NBPF10: variants seen among roughly 807,000 people sequenced by gnomAD.
The protein encoded by NBPF10 is NBPF member 10.
Under a neutral mutation model 77.9 loss-of-function variants are expected in NBPF10, and 63 were observed. The observed-to-expected ratio is 0.81, with a 90% CI of 0.66 to 1.00. The LOEUF (loss-of-function observed/expected upper bound fraction) is 1.00. NBPF10 is among the 50% of genes least tolerant of loss of function. The pLI is 0.00. For synonymous variants in NBPF10, 146 were observed against 264.5 expected, an observed-to-expected ratio of 0.55 and a Z score of 4.35; for missense variants, 522 against 679.8, an observed-to-expected ratio of 0.77 and a Z score of 2.58.
intron 3 of NBPF10, among the ~76,000 whole-genome samples, chr1:146,140,764 T>C (rs1553797069): frequency 8.3e-6 from 1 of 120,992 alleles, no homozygotes; most frequent in African/African-American, 2.7e-5. Flanking sequence ...CATCAAGATG[T>C]GGCCAAATAC....
intron 89 of NBPF10, among the ~76,000 whole-genome samples, chr1:146,066,954 A>G (rs1362521842): frequency 2.7e-5 from 4 of 145,634 alleles, no homozygotes; most frequent in African/African-American, 7.4e-5. Flanking sequence ...AGTGGCCATG[A>G]GAGTACAGCT....
At chr1:146,121,962 A>C (rs1658230816) in intron 19 of NBPF10, among the ~76,000 whole-genome samples, 1 of 130,562 alleles carries the variant, frequency 7.7e-6, no homozygotes, top group Non-Finnish European at 1.6e-5. Flanking sequence ...ACTCTGAGTT[A>C]GTGCCCTCAT....
intron 89 of NBPF10, among the ~76,000 whole-genome samples, chr1:146,066,775 G>A (rs1296359905): frequency 6.6e-6 from 1 of 151,972 alleles, no homozygotes; most frequent in African/African-American, 2.4e-5. Context: ...GAGAGACAGA[G>A]ACAGAGACAG....
rs1339565712 is a variant in NBPF10 at position 146,127,197 on chromosome 1, T to G, written c.1802-118A>C. 19 of 609,950 alleles carry G rather than the reference T, an allele frequency of 3.1e-5. 4 individuals carry two copies. In the East Asian group the frequency reaches 5.1e-4, roughly 16 times the overall value. 37.8% of individuals were successfully genotyped at this position (609,950 alleles called of 1,614,324 possible). A position where few individuals can be genotyped will look rare whatever the true frequency, so the allele number is the denominator to read the frequency against. On this transcript the variant is annotated intron_variant, in intron 12 of 89. Coordinates refer to ENST00000583866, the Ensembl canonical transcript of NBPF10. ...CTTGTCAGTGTGAGAACAGGAGACT[T>G]TCAGAGAAATATTCCAGTAGGCCTG...
chr1:146,067,958 G>C (rs782498676), intron 88 of NBPF10, 45 bp downstream of exon 88: 2 of 614,970 alleles, frequency 3.3e-6, no homozygotes, highest in South Asian at 3.1e-5. Context: ...ACCCCTATCT[G>C]GAAGACCAGG....
intron 87 of NBPF10, 43 bp from the exon 88 acceptor site, chr1:146,068,218 A>G: frequency 3.4e-6 from 1 of 294,480 alleles, no homozygotes; most frequent in Non-Finnish European, 6.1e-6. Context: ...AGGGGGAATC[A>G]GAAACCACAC....
chr1:146,142,609 A>G (rs1660419008), intron 2 of NBPF10, 41 bp downstream of exon 2: 6 of 1,105,968 alleles, frequency 5.4e-6, no homozygotes, highest in Non-Finnish European at 7.9e-6. Flanking sequence ...TCAGAGATCT[A>G]CACACCTACC....
At chr1:146,123,540 C>T (rs879253480) in intron 17 of NBPF10, among the ~76,000 whole-genome samples, 334 of 92,832 alleles carry the variant, frequency 3.6e-3, no homozygotes, top group African/African-American at 0.011. Flanking sequence ...AGAGAGAGAA[C>T]GAGCTCAGTG....
chr1:146,066,724 C>A (rs1353751314), intron 89 of NBPF10, among the ~76,000 whole-genome samples, 163 bp from the exon 90 acceptor site: 2 of 148,888 alleles, frequency 1.3e-5, no homozygotes, highest in African/African-American at 2.5e-5. Context: ...TGGGATAGAA[C>A]AGGGCCAGGT....
At chr1:146,139,668 TTA>T in intron 5 of NBPF10, 139 bp downstream of exon 5, 1 of 302,660 alleles carries the variant, frequency 3.3e-6, no homozygotes, top group Non-Finnish European at 6.3e-6. Flanking sequence ...AGTGCTGTGA[TTA>T]TATGTGTGAG....
At chr1:146,126,516 C>G (rs3108136) in intron 13 of NBPF10, 108 bp from the exon 14 acceptor site, 38 of 715,180 alleles carry the variant, frequency 5.3e-5, no homozygotes, top group South Asian at 1.8e-4. Flanking sequence ...AGAAAAAGGA[C>G]AGATCCATTA....
chr1:146,126,690 C>A (rs1238242545), intron 13 of NBPF10, among the ~76,000 whole-genome samples: 12 of 146,472 alleles, frequency 8.2e-5, no homozygotes, highest in Admixed American at 5.5e-4. Flanking sequence ...TCAAAGGACA[C>A]TCTGTATTTG....
intron 6 of NBPF10, among the ~76,000 whole-genome samples, chr1:146,137,404 ATTATTT>A (rs1348053742): frequency 6.1e-5 from 6 of 97,698 alleles, no homozygotes; most frequent in African/African-American, 2.1e-4. Context: ...TATTATTATT[ATTATTT>A]TTAACAGTCT....
At chr1:146,076,300 CACAGAGAG>C (rs1656048060) in intron 77 of NBPF10, among the ~76,000 whole-genome samples, 2 of 9,266 alleles carry the variant, frequency 2.2e-4, no homozygotes, top group Non-Finnish European at 3.4e-4. Context: ...CACACACACA[CACAGAGAG>C]AGAGAGAGAA....
At chr1:146,128,912 G>C (rs370191939) in intron 11 of NBPF10, among the ~76,000 whole-genome samples, 4,198 of 149,466 alleles carry the variant, frequency 0.028, 89 homozygotes, top group Non-Finnish European at 0.04. Flanking sequence ...CTGACTGTTA[G>C]AAGGAAAACT....
chr1:146,067,746 C>T (rs1295076172), intron 88 of NBPF10, among the ~76,000 whole-genome samples: 1 of 150,844 alleles, frequency 6.6e-6, no homozygotes, highest in African/African-American at 2.4e-5. Context: ...TCACATCTGC[C>T]CAGGTCCAAT....
Position 146,135,489 on chromosome 1 carries a change from C to T in NBPF10, c.1124G>A (p.Arg375Gln), listed in dbSNP as rs781845717. The T allele has an allele frequency of 1.1e-5, 8 of 709,664 alleles. No individual in the cohort carries two copies. The East Asian group carries it at 1.3e-4, about 11-fold the overall frequency. The allele number at this position is 709,664 out of a possible 1,614,324, so 44.0% of individuals were successfully genotyped here. Residue 375 changes from arginine to glutamine, a missense_variant, in exon 8 of 90, where the codon CGA (arginine) becomes CAA (glutamine). By Grantham distance (43) the Arg-to-Gln change is conservative. Transcript: ENST00000583866. The stretch of plus-strand genomic sequence containing the variant: ...CTTCTCCTTTAACTGGGTCAGCTCT[C>T]GTTCCTGAGCGTGAACCAGGACTTT...
intron 13 of NBPF10, 148 bp from the exon 14 acceptor site, chr1:146,126,556 G>A (rs1474804773): frequency 9.9e-6 from 7 of 706,136 alleles, no homozygotes; most frequent in Non-Finnish European, 1.8e-5. Context: ...CCTTTATGTT[G>A]GGATTGACTA....
intron 77 of NBPF10, among the ~76,000 whole-genome samples, chr1:146,076,302 CAG>C (rs1158170059): frequency 2.5e-3 from 12 of 4,860 alleles, no homozygotes; most frequent in Admixed American, 6.9e-3. Flanking sequence ...CACACACACA[CAG>C]AGAGAGAGAG....
Sources: allele counts gnomAD v4.1 joint callset (sites outside exome capture counted in the v4.1 genomes callset), GRCh38; gene constraint gnomAD v4.1.1; transcripts MANE v1.5; gene names NCBI Gene and HGNC (gene_info 2026-07-23, HGNC 2026-07-21).